SAXO1: variants seen among roughly 807,000 people sequenced by gnomAD.
SAXO1 encodes 4930500O09Rik.
SAXO1 carries 21 observed loss-of-function variants against 17.5 expected under a neutral mutation model. The observed-to-expected ratio is 1.20, with a 90% CI of 0.85 to 1.72. The LOEUF (loss-of-function observed/expected upper bound fraction) is 1.72. Among genes scored for constraint, SAXO1 ranks in the 40% most tolerant of loss-of-function variants. The probability of loss-of-function intolerance (pLI) is 0.00; values close to 1 mark genes in which losing one functional copy is unlikely to be tolerated. For synonymous variants in SAXO1, 274 were observed against 216.5 expected (o/e 1.27, Z -2.33); for missense variants, 843 against 596.0 (o/e 1.41, Z -4.32).
chr9:19,042,496 T>C (rs2131072377), intron 1 of SAXO1, among the ~76,000 whole-genome samples: 1 of 152,362 alleles, frequency 6.6e-6, no homozygotes, highest in Middle Eastern at 3.4e-3. Context: ...TGCACTCCTA[T>C]GTTTGTTGCA....
chr9:19,028,146 C>A, intron 1 of SAXO1: 1 of 1,557,564 alleles, frequency 6.4e-7, no homozygotes, highest in Non-Finnish European at 8.8e-7. Context: ...GCACGGCAGG[C>A]CAGCCCCGGA....
At chr9:18,989,684 G>A (rs556212774) in intron 1 of SAXO1, among the ~76,000 whole-genome samples, 11 of 152,162 alleles carry the variant, frequency 7.2e-5, no homozygotes, top group African/African-American at 2.4e-4. Flanking sequence ...GCTAAGAAGT[G>A]GAACATCAAA....
intron 1 of SAXO1, among the ~76,000 whole-genome samples, chr9:18,952,071 T>A (rs1395321450): frequency 6.6e-6 from 1 of 152,236 alleles, no homozygotes; most frequent in South Asian, 2.1e-4. Context: ...AACTTACTTA[T>A]TTACTTACTA....
intron 1 of SAXO1, among the ~76,000 whole-genome samples, chr9:18,988,329 G>C (rs1833675188): frequency 6.6e-6 from 1 of 152,160 alleles, no homozygotes; most frequent in South Asian, 2.1e-4. Flanking sequence ...GAACATATAA[G>C]CATAAACATT....
chr9:19,048,472 G>A (rs1478261025), intron 1 of SAXO1, among the ~76,000 whole-genome samples: 1 of 151,960 alleles, frequency 6.6e-6, no homozygotes, highest in Non-Finnish European at 1.5e-5. Flanking sequence ...AAAAAAAAAG[G>A]ACTTTAAGGT....
chr9:19,013,956 A>G (rs1834858624), intron 1 of SAXO1, among the ~76,000 whole-genome samples: 1 of 152,218 alleles, frequency 6.6e-6, no homozygotes, highest in Non-Finnish European at 1.5e-5. Flanking sequence ...AGTCTGTAAC[A>G]GAGTCTGGTG....
At chr9:19,036,195 G>T (rs1835931844), upstream of SAXO1, among the ~76,000 whole-genome samples, 1 of 149,080 alleles carries the variant, frequency 6.7e-6, no homozygotes, top group South Asian at 2.1e-4. Flanking sequence ...CATGGCACAT[G>T]TATACCCATG....
At chr9:19,004,687 C>T (rs763160811) in intron 1 of SAXO1, among the ~76,000 whole-genome samples, 1 of 151,828 alleles carries the variant, frequency 6.6e-6, no homozygotes, top group Non-Finnish European at 1.5e-5. Context: ...GGACACAGGG[C>T]GGGGAACATC....
intron 1 of SAXO1, among the ~76,000 whole-genome samples, chr9:19,003,280 G>C (rs1414240533): frequency 1.3e-5 from 2 of 152,180 alleles, no homozygotes; most frequent in Non-Finnish European, 2.9e-5. Flanking sequence ...CATGCGCATG[G>C]ATAGGAAGAA....
At chr9:18,975,051 G>C (rs932446252) in intron 1 of SAXO1, among the ~76,000 whole-genome samples, 4 of 152,186 alleles carry the variant, frequency 2.6e-5, no homozygotes, top group Middle Eastern at 3.2e-3. Flanking sequence ...GGGGCAAGAA[G>C]GTGGGGAGGC....
At chr9:19,033,644 A>AACACAGACCTGCGCTCTTGC (rs1835860101), upstream of SAXO1, among the ~76,000 whole-genome samples, 1 of 152,104 alleles carries the variant, frequency 6.6e-6, no homozygotes, top group Non-Finnish European at 1.5e-5. Context: ...TGCGCTCTTG[A>AACACAGACCTGCGCTCTTGC]GAACACAGTG....
intron 2 of SAXO1, among the ~76,000 whole-genome samples, chr9:18,949,546 GGTTTCCACTAA>G (rs1286282903): frequency 5.3e-5 from 8 of 152,160 alleles, no homozygotes; most frequent in African/African-American, 1.4e-4. Flanking sequence ...CCTGTCCAGT[GGTTTCCACTAA>G]GCTCAGGAAT....
At chr9:19,005,006 A>G (rs990012513) in intron 1 of SAXO1, among the ~76,000 whole-genome samples, 1 of 152,180 alleles carries the variant, frequency 6.6e-6, no homozygotes, top group Non-Finnish European at 1.5e-5. Flanking sequence ...AACAATGACA[A>G]TCTGAAAATA....
chr9:19,031,847 AT>A (rs1229934944), intron 1 of SAXO1, among the ~76,000 whole-genome samples: 13 of 152,180 alleles, frequency 8.5e-5, no homozygotes, highest in African/African-American at 2.9e-4. Context: ...CCATTTATTG[AT>A]GCCAGAGATA....
intron 1 of SAXO1, among the ~76,000 whole-genome samples, chr9:19,048,408 G>T (rs1588583478): frequency 6.6e-6 from 1 of 152,162 alleles, no homozygotes; most frequent in African/African-American, 2.4e-5. Flanking sequence ...AGTGAGCTGA[G>T]ATCGCGCCAC....
chr9:19,014,409 T>C (rs62560438), intron 1 of SAXO1, among the ~76,000 whole-genome samples: 5,755 of 137,882 alleles, frequency 0.042, 141 homozygotes, highest in Non-Finnish European at 0.056. Flanking sequence ...TGCAGTTAGC[T>C]GAGATCACGC....
intron 1 of SAXO1, among the ~76,000 whole-genome samples, chr9:19,015,721 C>T (rs1834949119): frequency 6.6e-6 from 1 of 151,050 alleles, no homozygotes; most frequent in African/African-American, 2.4e-5. Context: ...TCAAACGATC[C>T]TTCTGCCTCA....
intron 1 of SAXO1, among the ~76,000 whole-genome samples, chr9:19,013,497 A>G (rs967158518): frequency 6.7e-6 from 1 of 149,984 alleles, no homozygotes; most frequent in Non-Finnish European, 1.5e-5. Context: ...CAGTCACAAT[A>G]CTGTCACGTC....
At chr9:18,984,922 T>C (rs941054656) in intron 1 of SAXO1, among the ~76,000 whole-genome samples, 17 of 152,198 alleles carry the variant, frequency 1.1e-4, no homozygotes, top group African/African-American at 4.1e-4. Flanking sequence ...TTTTGAGCTG[T>C]TGATTTAAAG....
Sources: allele counts gnomAD v4.1 joint callset (sites outside exome capture counted in the v4.1 genomes callset), GRCh38; gene constraint gnomAD v4.1.1; transcripts MANE v1.5; gene names NCBI Gene and HGNC (gene_info 2026-07-23, HGNC 2026-07-21).